PLCG2: variants seen among roughly 807,000 people sequenced by gnomAD.
The protein encoded by PLCG2 is 1-phosphatidylinositol 4,5-bisphosphate phosphodiesterase gamma-2.
PLCG2 carries 69 observed loss-of-function variants against 175.6 expected under a neutral mutation model. The ratio of observed to expected loss-of-function variants is 0.39; its 90% CI spans 0.32 to 0.48. The LOEUF (loss-of-function observed/expected upper bound fraction) is 0.48, where lower values mean the gene tolerates loss of function less well. Ranked by LOEUF, PLCG2 falls within the 20% of genes least tolerant of loss-of-function variation. The pLI is 0.91. For missense variants in PLCG2, 1,798 were observed against 1,650.9 expected (o/e 1.09, Z -1.54); for synonymous variants, 827 against 624.0 (o/e 1.33, Z -4.85).
chr16:81,910,777 C>T (rs1909588019), intron 18 of PLCG2, 57 bp downstream of exon 18: 1 of 1,504,876 alleles, frequency 6.6e-7, no homozygotes, highest in South Asian at 1.1e-5. Flanking sequence ...CTCCACCAGG[C>T]AGAGAAGCTG....
At chr16:81,942,562 C>T (rs1910987806) in intron 30 of PLCG2, among the ~76,000 whole-genome samples, 1 of 152,152 alleles carries the variant, frequency 6.6e-6, no homozygotes, top group East Asian at 1.9e-4. Flanking sequence ...AGCTTTTAAA[C>T]CAGTTGGAGC....
intron 5 of PLCG2, among the ~76,000 whole-genome samples, chr16:81,862,891 A>G (rs1907051597): frequency 6.6e-6 from 1 of 152,164 alleles, no homozygotes; most frequent in Admixed American, 6.5e-5. Flanking sequence ...AACAAAACAA[A>G]ACAAAACCAA....
intron 2 of PLCG2, among the ~76,000 whole-genome samples, chr16:81,801,297 G>T (rs1019331192): frequency 1.3e-5 from 2 of 152,126 alleles, no homozygotes; most frequent in African/African-American, 4.8e-5. Context: ...AGAGAAATCA[G>T]TATCATGATT....
At chr16:81,830,240 A>G (rs538531333) in intron 2 of PLCG2, among the ~76,000 whole-genome samples, 2 of 152,194 alleles carry the variant, frequency 1.3e-5, no homozygotes, top group East Asian at 3.9e-4. Context: ...AGATCACCTA[A>G]GCCCAGGAGG....
intron 20 of PLCG2, among the ~76,000 whole-genome samples, chr16:81,920,143 A>C (rs1340542822): frequency 8.5e-5 from 13 of 152,180 alleles, no homozygotes; most frequent in Non-Finnish European, 7.3e-5. Flanking sequence ...AGAGCTAAAT[A>C]AGGATGAGGG....
chr16:81,860,772 A>T (rs1906940386), intron 5 of PLCG2, among the ~76,000 whole-genome samples: 1 of 152,112 alleles, frequency 6.6e-6, no homozygotes, highest in Non-Finnish European at 1.5e-5. Flanking sequence ...GGAGTTCGAG[A>T]CCAGCCTGGG....
chr16:81,905,305 A>G lies in PLCG2; in HGVS notation c.1363-98A>G, dbSNP rs1384218727. 3 of 784,042 alleles carry G rather than the reference A, an allele frequency of 3.8e-6. No individual in the cohort carries two copies. In the African/African-American group the frequency reaches 5.1e-5, roughly 13 times the overall value. 48.6% of individuals were successfully genotyped at this position (784,042 alleles called of 1,614,324 possible). A position where few individuals can be genotyped will look rare whatever the true frequency, so the allele number is the denominator to read the frequency against. On this transcript the variant is annotated intron_variant, in intron 14 of 32. Coordinates refer to ENST00000564138, the MANE Select transcript of PLCG2 (RefSeq NM_002661.5). ...GCCAGGCAGCAAGAACAGGCAGTGC[A>G]AAGGCCCTGCCTGGGAAGAGGCAGA...
chr16:81,889,128 C>T, intron 9 of PLCG2, 44 bp from the exon 10 acceptor site: 5 of 1,141,104 alleles, frequency 4.4e-6, no homozygotes, highest in Non-Finnish European at 6.5e-6. Flanking sequence ...AGAATTTTAT[C>T]AGTTCTCACT....
At chr16:81,899,465 A>C (rs1253768642) in intron 13 of PLCG2, among the ~76,000 whole-genome samples, 1 of 152,192 alleles carries the variant, frequency 6.6e-6, no homozygotes, top group South Asian at 2.1e-4. Flanking sequence ...TCAAATCTCA[A>C]AGCACTCTGA....
intron 2 of PLCG2, among the ~76,000 whole-genome samples, chr16:81,818,505 T>C (rs915130869): frequency 3.3e-5 from 5 of 152,090 alleles, no homozygotes; most frequent in African/African-American, 1.2e-4. Flanking sequence ...TTCCTCTGCT[T>C]GCATCTTGGG....
intron 2 of PLCG2, among the ~76,000 whole-genome samples, chr16:81,825,023 G>A (rs563739012): frequency 1.0e-3 from 157 of 152,342 alleles, no homozygotes; most frequent in African/African-American, 3.6e-3. Context: ...AATGCAGGTG[G>A]CCTCTAGAGC....
intron 2 of PLCG2, among the ~76,000 whole-genome samples, chr16:81,790,808 T>A (rs1286632043): frequency 2.0e-5 from 3 of 152,178 alleles, no homozygotes; most frequent in South Asian, 2.1e-4. Context: ...TTTGGCAAAG[T>A]CTGGAGACGT....
At chr16:81,941,089 G>A (rs1469056318) in intron 30 of PLCG2, among the ~76,000 whole-genome samples, 4 of 152,202 alleles carry the variant, frequency 2.6e-5, no homozygotes, top group Admixed American at 2.0e-4. Flanking sequence ...GTTTGGAAAC[G>A]TGGGGCTCAA....
At chr16:81,923,343 C>G (rs780800142) in intron 21 of PLCG2, 142 bp from the exon 22 acceptor site, 11 of 580,110 alleles carry the variant, frequency 1.9e-5, no homozygotes, top group Non-Finnish European at 2.8e-5. Context: ...AATGCCAGTC[C>G]CTCTCCAGCA....
chr16:81,953,239 C>A (rs1221101543), intron 31 of PLCG2, among the ~76,000 whole-genome samples: 1 of 152,114 alleles, frequency 6.6e-6, no homozygotes, highest in Non-Finnish European at 1.5e-5. Context: ...GATGTGGGAA[C>A]AGGAAAAGGA....
chr16:81,885,688 A>G (rs1384413605), intron 9 of PLCG2, among the ~76,000 whole-genome samples: 1 of 152,088 alleles, frequency 6.6e-6, no homozygotes, highest in African/African-American at 2.4e-5. Flanking sequence ...AGTAATTTTT[A>G]AATGCCATCC....
At chr16:81,939,771 C>T (rs895871914) in intron 29 of PLCG2, 121 bp from the exon 30 acceptor site, 4 of 661,188 alleles carry the variant, frequency 6.0e-6, no homozygotes, top group South Asian at 5.8e-5. Context: ...TAGATCTTGG[C>T]ATAGATGCAT....
Position 81,958,019 on chromosome 16 carries a change from G to C in PLCG2, c.*21G>C. On this transcript the variant is annotated 3_prime_UTR_variant, in exon 33 of 33. Transcript: ENST00000564138. ...CATAGAAGCTGGGGTATGTGTGTAA[G>C]GGTATTGTGTGTGTGCGCATGTGTG... is the stretch of plus-strand genomic sequence containing the variant. 1.3e-6 allele frequency: 2 copies of C among 1,581,566 alleles called. No individual in the cohort carries two copies. The highest frequency in any genetic ancestry group is 1.7e-6 in the Non-Finnish European group (2 of 1,150,182).
intron 9 of PLCG2, among the ~76,000 whole-genome samples, chr16:81,885,554 C>A (rs1368512095): frequency 6.6e-6 from 1 of 152,180 alleles, no homozygotes; most frequent in East Asian, 1.9e-4. Context: ...CTGAAGAATT[C>A]TAAAGCAAAC....
Sources: gnomAD v4.1 joint callset for allele counts (sites outside exome capture counted in the v4.1 genomes callset) on GRCh38, gnomAD v4.1.1 for gene constraint, MANE v1.5 for transcripts, NCBI Gene and HGNC (gene_info 2026-07-23, HGNC 2026-07-21) for gene names.